OSTM1: variants seen among roughly 807,000 people sequenced by gnomAD.
OSTM1 encodes the protein osteopetrosis-associated transmembrane protein 1.
OSTM1 carries 26 observed loss-of-function variants against 35.4 expected under a neutral mutation model. The ratio of observed to expected loss-of-function variants is 0.73; its 90% CI spans 0.54 to 1.02. The LOEUF (loss-of-function observed/expected upper bound fraction) is 1.02, where lower values mean the gene tolerates loss of function less well. Among genes scored for constraint, OSTM1 ranks in the 50% least tolerant of loss-of-function variants. The probability of loss-of-function intolerance (pLI) is 0.00; values close to 1 mark genes in which losing one functional copy is unlikely to be tolerated. For synonymous variants in OSTM1, 181 were observed against 165.0 expected, an observed-to-expected ratio of 1.10 and a Z score of -0.75; for missense variants, 366 against 409.6, an observed-to-expected ratio of 0.89 and a Z score of 0.92.
chr6:108,048,299 CT>C lies in OSTM1; in HGVS notation c.949+953del, dbSNP rs1187300266. Reference sequence around the variant, plus strand: ...TTAACCTTTTCCCCTAAACAGTTCTCTTTTTTAAAAACTAAAATTATTAAGG... The same window carrying C: ...TTAACCTTTTCCCCTAAACAGTTCTCTTTTTAAAAACTAAAATTATTAAGG... On this transcript the variant is annotated intron_variant, in intron 5 of 5. Coordinates refer to ENST00000193322, the MANE Select transcript of OSTM1 (RefSeq NM_014028.4). 2.0e-5 allele frequency among the ~76,000 whole-genome samples: 3 copies of C among 152,156 alleles called. No individual in the cohort carries two copies. In the East Asian group the frequency reaches 5.8e-4, roughly 29 times the overall value.
chr6:108,048,899 G>A (rs1772028348), intron 5 of OSTM1, among the ~76,000 whole-genome samples: 1 of 151,692 alleles, frequency 6.6e-6, no homozygotes, highest in Non-Finnish European at 1.5e-5. Flanking sequence ...CTACAGGCAT[G>A]CGCCATCATG....
rs772654966 is a variant in OSTM1, at chr6:108,044,749, A to T, written c.*36T>A. 26 of 1,229,686 alleles carry T rather than the reference A, an allele frequency of 2.1e-5. No homozygotes were observed. Among genetic ancestry groups the T allele is most frequent in the Non-Finnish European group, 3.0e-5 (25 of 839,172 alleles). The allele number at this position is 1,229,686 out of a possible 1,614,324, so 76.2% of individuals were successfully genotyped here. A position where few individuals can be genotyped will look rare whatever the true frequency, so the allele number is the denominator to read the frequency against. On this transcript the variant is annotated 3_prime_UTR_variant, in exon 6 of 6. Coordinates refer to ENST00000193322, the MANE Select transcript of OSTM1 (RefSeq NM_014028.4). ...AACCAAGTTGTGTCTTCCACCATTCATTCACGTGATATGTCAATTCTCCAT... is the reference window on the plus strand; with the variant it reads ...AACCAAGTTGTGTCTTCCACCATTCTTTCACGTGATATGTCAATTCTCCAT...
intron 1 of OSTM1, among the ~76,000 whole-genome samples, chr6:108,067,828 T>TA (rs60932026): frequency 0.011 from 884 of 77,688 alleles, 27 homozygotes; most frequent in East Asian, 0.056. Flanking sequence ...AGCCTCTGTC[T>TA]AAAAAAAAAA....
At chr6:108,045,031 A>T (rs1419576754) in intron 5 of OSTM1, among the ~76,000 whole-genome samples, 191 bp from the exon 6 acceptor site, 1 of 152,224 alleles carries the variant, frequency 6.6e-6, no homozygotes, top group Non-Finnish European at 1.5e-5. Flanking sequence ...ACTTTGTTAG[A>T]AATTGCACAT....
intron 1 of OSTM1, among the ~76,000 whole-genome samples, chr6:108,066,447 G>A (rs1772378550): frequency 6.6e-6 from 1 of 152,190 alleles, no homozygotes; most frequent in African/African-American, 2.4e-5. Flanking sequence ...ACTATCAGAG[G>A]TGACTGAGAA....
chr6:108,051,790 GTA>G (rs1364630247), intron 3 of OSTM1, among the ~76,000 whole-genome samples: 2 of 152,166 alleles, frequency 1.3e-5, no homozygotes, highest in Non-Finnish European at 2.9e-5. Flanking sequence ...CCAAAGAATT[GTA>G]TAACCTAAAA....
chr6:108,056,824 A>G (rs1004150929), intron 2 of OSTM1, among the ~76,000 whole-genome samples: 1 of 152,178 alleles, frequency 6.6e-6, no homozygotes, highest in East Asian at 1.9e-4. Context: ...CAGAACATGA[A>G]TCTCATTCTA....
chr6:108,044,929 C>A, intron 5 of OSTM1, 89 bp from the exon 6 acceptor site: 1 of 627,172 alleles, frequency 1.6e-6, no homozygotes, highest in Non-Finnish European at 2.6e-6. Flanking sequence ...TAGTATTTAT[C>A]TATTAATTCT....
rs899096898 is a variant in OSTM1 at position 108,074,694 on chromosome 6, G to A, written c.-43C>T. 5.7e-5 allele frequency: 85 copies of A among 1,484,832 alleles called. No homozygotes were observed. Among genetic ancestry groups the A allele is most frequent in the Non-Finnish European group, 6.8e-5 (77 of 1,124,572 alleles). 92.0% of individuals were successfully genotyped at this position (1,484,832 alleles called of 1,614,324 possible). ...CCAGGGAGCCCACCGCCGCCTCTCC[G>A]CCCCCAGCCGGCACCGCGGACAGCC... On this transcript the variant is annotated 5_prime_UTR_variant, in exon 1 of 6. Coordinates refer to ENST00000193322, the MANE Select transcript of OSTM1 (RefSeq NM_014028.4).
rs112080955 is a variant in OSTM1 at position 108,051,790 on chromosome 6, G to A, written c.616-592C>T. Among the ~76,000 whole-genome samples the A allele has an allele frequency of 9.2e-3, 1,404 of 152,282 alleles. 19 individuals are homozygous for A. The highest frequency in any genetic ancestry group is 0.024 in the African/African-American group (994 of 41,546). On this transcript the variant is annotated intron_variant, in intron 3 of 5. Transcript: ENST00000193322. ...AAAAAGGGCCAAATACCAAAGAATTGTATAACCTAAAATGAGGATAGTGGA... is the reference window on the plus strand; with the variant it reads ...AAAAAGGGCCAAATACCAAAGAATTATATAACCTAAAATGAGGATAGTGGA...
In OSTM1 at chr6:108,043,229, A is replaced by C. The variant is rs1771902336; in HGVS notation, c.*1556T>G. The C allele has an allele frequency of 6.6e-6, 1 of 152,216 alleles. No individual in the cohort carries two copies. The highest frequency in any genetic ancestry group is 2.4e-5 in the African/African-American group (1 of 41,460). 9.4% of individuals were successfully genotyped at this position (152,216 alleles called of 1,614,324 possible). ...ATGAAGATTGCTTCAAATGGCTCTC[A>C]ATCATATGCTTCAAATCAAGACAGT... On this transcript the variant is annotated 3_prime_UTR_variant, in exon 6 of 6. Coordinates refer to ENST00000193322, the MANE Select transcript of OSTM1 (RefSeq NM_014028.4).
In OSTM1 at chr6:108,074,469, G is replaced by C; in HGVS notation, c.183C>G (p.Ser61=). The C allele has an allele frequency of 6.4e-7, 1 of 1,557,228 alleles. No individual in the cohort carries two copies. Residue 61 remains serine, a synonymous_variant, in exon 1 of 6, where the codon TCC becomes TCG. Coordinates refer to ENST00000193322, the MANE Select transcript of OSTM1 (RefSeq NM_014028.4). ...GCCCCAGCCCTCCACCCTGCAGGAG[G>C]GACAGGGACAAGTCCTCCACCTCCA... ...QLLEVEDLSL[S]LLQGGGLGPL...
rs200161770 is a variant in OSTM1 at position 108,061,695 on chromosome 6, TTTTTC to T, written c.517+2485_517+2489del. ...CATTTGCCACCATGCCCAGCTAATT[TTTTTC>T]TTTTCTTTTCTTTTCTTTGTAGAGA... On this transcript the variant is annotated intron_variant, in intron 2 of 5. Transcript: ENST00000193322. 5.9e-3 allele frequency among the ~76,000 whole-genome samples: 889 copies of T among 151,528 alleles called. 9 individuals are homozygous for T. Among genetic ancestry groups the T allele is most frequent in the African/African-American group, 0.018 (765 of 41,362 alleles).
intron 5 of OSTM1, among the ~76,000 whole-genome samples, chr6:108,048,483 T>A (rs940672426): frequency 6.6e-6 from 1 of 152,206 alleles, no homozygotes; most frequent in Non-Finnish European, 1.5e-5. Context: ...GAGCATATAC[T>A]ATTATATCAA....
chr6:108,053,615 A>G (rs1451272623), intron 3 of OSTM1, among the ~76,000 whole-genome samples: 1 of 152,192 alleles, frequency 6.6e-6, no homozygotes, highest in East Asian at 1.9e-4. Context: ...ACAGGCGTGC[A>G]CCACCAAGCC....
chr6:108,049,984 TTC>T (rs774011467), intron 4 of OSTM1, among the ~76,000 whole-genome samples: 29 of 152,234 alleles, frequency 1.9e-4, no homozygotes, highest in African/African-American at 6.8e-4. Flanking sequence ...AGCCAATAAT[TTC>T]TCAGTTTCCT....
intron 1 of OSTM1, among the ~76,000 whole-genome samples, chr6:108,072,396 G>T (rs1321103803): frequency 3.3e-5 from 5 of 152,166 alleles, no homozygotes; most frequent in Admixed American, 6.5e-5. Flanking sequence ...ATCTTTGGGA[G>T]GCTGAGGTGG....
intron 3 of OSTM1, among the ~76,000 whole-genome samples, chr6:108,052,511 C>CTTTT (rs35984071): frequency 0.018 from 1,903 of 108,054 alleles, 88 homozygotes; most frequent in African/African-American, 0.062. Context: ...GTAATTTAAC[C>CTTTT]TTTTTTTTTT....
At chr6:108,067,139 C>A (rs2114609165) in intron 1 of OSTM1, among the ~76,000 whole-genome samples, 1 of 151,630 alleles carries the variant, frequency 6.6e-6, no homozygotes, top group South Asian at 2.1e-4. Context: ...CTTTTTACAA[C>A]CGCTATTTCA....
Sources: allele counts gnomAD v4.1 joint callset (sites outside exome capture counted in the v4.1 genomes callset), GRCh38; gene constraint gnomAD v4.1.1; transcripts MANE v1.5; gene names NCBI Gene and HGNC (gene_info 2026-07-23, HGNC 2026-07-21).